Variants in VIL1 observed in about 807,000 individuals in gnomAD.
The protein encoded by VIL1 is villin-1.
A neutral mutation model predicts 104.0 loss-of-function variants in VIL1; 86 were observed. The observed-to-expected ratio is 0.83, with a 90% CI of 0.69 to 0.99. The LOEUF (loss-of-function observed/expected upper bound fraction) is 0.99, where lower values mean the gene tolerates loss of function less well. VIL1 is among the 50% of genes least tolerant of loss of function. The pLI is 0.00. For synonymous variants in VIL1, 394 were observed against 412.6 expected, an observed-to-expected ratio of 0.95 and a Z score of 0.55; for missense variants, 944 against 1,054.1, an observed-to-expected ratio of 0.90 and a Z score of 1.45.
intron 19 of VIL1, among the ~76,000 whole-genome samples, chr2:218,441,381 T>G (rs553961724): frequency 6.7e-6 from 1 of 149,676 alleles, no homozygotes; most frequent in Admixed American, 6.7e-5. Context: ...AGAGTGAGAC[T>G]GTCTCAAAAA....
Position 218,435,334 on chromosome 2 carries a change from A to G in VIL1, c.1726A>G (p.Thr576Ala). ...GGAGATGGCCAAGATGGTTGCTGAC[A>G]CCATCTCCCGGACGGAGAAGCAAGT... is the stretch of plus-strand genomic sequence containing the variant. ...EREMAKMVADTISRTEKQVVV... is the reference protein window; with the variant it reads ...EREMAKMVADAISRTEKQVVV... The change falls in exon 15 of 20, where the codon ACC becomes GCC. Residue 576 changes from threonine to alanine, a missense_variant. Coordinates refer to ENST00000248444, the MANE Select transcript of VIL1 (RefSeq NM_007127.3). The G allele has an allele frequency of 6.2e-7, 1 of 1,614,036 alleles. No homozygotes were observed. Among genetic ancestry groups the G allele is most frequent in the Non-Finnish European group, 8.5e-7 (1 of 1,179,964 alleles).
At chr2:218,435,992 C>A (rs944871905) in intron 15 of VIL1, among the ~76,000 whole-genome samples, 4 of 152,162 alleles carry the variant, frequency 2.6e-5, no homozygotes, top group Non-Finnish European at 5.9e-5. Context: ...GCGCCCACCA[C>A]CGTGCCCGGC....
At chr2:218,439,288 G>A (rs1022523312) in intron 18 of VIL1, among the ~76,000 whole-genome samples, 3 of 151,836 alleles carry the variant, frequency 2.0e-5, no homozygotes, top group African/African-American at 7.3e-5. Flanking sequence ...GGAGTGAGGG[G>A]GAAGCATATT....
In VIL1 at chr2:218,444,727, G is replaced by A. The variant is rs572845478; in HGVS notation, c.2370+3865G>A. ...GAGCCAGTGACAACAGTGGGGTGGT[G>A]GGTCTGGCTGCAGGCAGAGCAAGAT... is the stretch of plus-strand genomic sequence containing the variant. On this transcript the variant is annotated intron_variant, in intron 19 of 19. Coordinates refer to ENST00000248444, the MANE Select transcript of VIL1 (RefSeq NM_007127.3). Among the ~76,000 whole-genome samples, 9 of 152,328 alleles carry A rather than the reference G, an allele frequency of 5.9e-5. No homozygotes were observed. The South Asian group carries it at 1.4e-3, about 25-fold the overall frequency.
chr2:218,430,222 T>G (rs1689071676), intron 9 of VIL1, among the ~76,000 whole-genome samples: 1 of 152,068 alleles, frequency 6.6e-6, no homozygotes, highest in Non-Finnish European at 1.5e-5. Flanking sequence ...CTCACCTCCC[T>G]GCACCTGAGC....
chr2:218,435,164 G>A (rs1223082852), intron 14 of VIL1, 125 bp from the exon 15 acceptor site: 9 of 1,269,204 alleles, frequency 7.1e-6, no homozygotes, highest in Non-Finnish European at 9.9e-6. Flanking sequence ...TCCCTGTGTG[G>A]CCTGTATACA....
Position 218,425,837 on chromosome 2 carries a change from G to C in VIL1, c.347+26G>C. 2.5e-6 allele frequency: 4 copies of C among 1,585,574 alleles called. No homozygotes were observed. In the South Asian group the frequency reaches 4.6e-5, roughly 18 times the overall value. ...GTAGGGAGGGTGGGCTGCAGGCCGG[G>C]GGAATGAGGATGAGTGGTAGGGATA... On this transcript the variant is annotated intron_variant, in intron 4 of 19. Transcript: ENST00000248444.
chr2:218,446,243 T>C (rs968232070), intron 19 of VIL1, among the ~76,000 whole-genome samples: 1 of 152,136 alleles, frequency 6.6e-6, no homozygotes, highest in African/African-American at 2.4e-5. Flanking sequence ...GTCTTTTCTT[T>C]TCTTTTTTTG....
chr2:218,430,981 A>T (rs1247491289), intron 10 of VIL1, 103 bp downstream of exon 10: 2 of 1,449,044 alleles, frequency 1.4e-6, no homozygotes, highest in Non-Finnish European at 1.9e-6. Flanking sequence ...TGCATCTTCA[A>T]CGAAGACTTT....
Position 218,435,423 on chromosome 2 carries a change from C to T in VIL1, c.1815C>T (p.Ala605=), listed in dbSNP as rs149145902. Residue 605 remains alanine (A), a synonymous_variant, in exon 15 of 20, where the codon GCC becomes GCT. Transcript: ENST00000248444. ...WMALGGKAPY[A]NTKRLQEENL... ...CCCTGGGTGGGAAGGCCCCCTATGC[C>T]AACACCAAGAGGTAACTCTCAGGTC... The T allele has an allele frequency of 2.5e-5, 41 of 1,613,898 alleles. No homozygotes were observed. The African/African-American group carries it at 5.5e-4, about 22-fold the overall frequency.
chr2:218,447,732 TTTG>T (rs2106398526), intron 19 of VIL1, among the ~76,000 whole-genome samples: 2 of 151,522 alleles, frequency 1.3e-5, no homozygotes, highest in South Asian at 4.2e-4. Context: ...AACAACATAC[TTTG>T]TTTTGTTTTT....
chr2:218,434,120 C>A lies in VIL1; in HGVS notation c.1501-406C>A, dbSNP rs540305788. Among the ~76,000 whole-genome samples, 471 of 147,124 alleles carry A rather than the reference C, an allele frequency of 3.2e-3. 1 individual carries two copies. The highest frequency in any genetic ancestry group is 0.011 in the African/African-American group (453 of 39,746). Reference sequence around the variant, plus strand: ...GCTGAGGCAGGAGAATTGCTTGAACCCAGGAGGCAGAGGGTGCAGTGAGCT... The same window carrying A: ...GCTGAGGCAGGAGAATTGCTTGAACACAGGAGGCAGAGGGTGCAGTGAGCT... On this transcript the variant is annotated intron_variant, in intron 13 of 19. Transcript: ENST00000248444.
chr2:218,440,257 C>A (rs973785776), intron 18 of VIL1, among the ~76,000 whole-genome samples: 17 of 152,110 alleles, frequency 1.1e-4, no homozygotes, highest in Admixed American at 2.0e-4. Context: ...TCAGAACAGA[C>A]CACTAAGCTC....
At position 218,428,288 on chromosome 2, in the gene VIL1, T is replaced by G; in HGVS notation, c.518T>G (p.Leu173Arg). ...GDVFLLDLGK[L>R]IIQWNGPEST... ...GTTTTCCTCCTGGACCTTGGGAAGC[T>G]TATCATCCAGTGGAATGGACCGGAA... The change falls in exon 6 of 20, where the codon CTT (leucine) becomes CGT (arginine). Residue 173 changes from leucine (L) to arginine (R), a missense_variant. Leu to Arg is a moderately radical substitution (Grantham distance 102). Transcript: ENST00000248444. 1 of 1,614,158 alleles carries G rather than the reference T, an allele frequency of 6.2e-7. No individual in the cohort carries two copies. The highest frequency in any genetic ancestry group is 8.5e-7 in the Non-Finnish European group (1 of 1,180,024).
In VIL1 at chr2:218,430,849, T is replaced by C. The variant is rs1378231361; in HGVS notation, c.1073T>C (p.Leu358Pro). 6.2e-7 allele frequency: 1 copy of C among 1,613,880 alleles called. No individual in the cohort carries two copies. Among genetic ancestry groups the C allele is most frequent in the Non-Finnish European group, 8.5e-7 (1 of 1,179,890 alleles). ...ACAGCGTCCAACCGGACCTCAGGCC[T>C]AGGCAAAACCCACACTGTGGGCTCC... is the stretch of plus-strand genomic sequence containing the variant. Reference protein sequence around the residue: ...KWTASNRTSGLGKTHTVGSVA... With the variant: ...KWTASNRTSGPGKTHTVGSVA... Residue 358 changes from leucine to proline, a missense_variant, in exon 10 of 20, where the codon CTA (leucine) becomes CCA (proline). Transcript: ENST00000248444.
At chr2:218,429,751 C>T (rs2106391997) in intron 8 of VIL1, 76 bp downstream of exon 8, 1 of 1,571,346 alleles carries the variant, frequency 6.4e-7, no homozygotes, top group Non-Finnish European at 8.8e-7. Flanking sequence ...TTCCAGGGGG[C>T]TTGGGGTGGG....
At chr2:218,426,168 C>T (rs569347155) in intron 4 of VIL1, among the ~76,000 whole-genome samples, 1 of 152,174 alleles carries the variant, frequency 6.6e-6, no homozygotes, top group Admixed American at 6.6e-5. Context: ...ATCAAGCCCC[C>T]CAACTCTGGC....
At chr2:218,440,632 G>A (rs1214463112) in intron 18 of VIL1, 90 bp from the exon 19 acceptor site, 6 of 1,531,508 alleles carry the variant, frequency 3.9e-6, no homozygotes, top group African/African-American at 1.4e-5. Flanking sequence ...CTTCTTGAAG[G>A]TGGTGCCCTA....
chr2:218,450,650 T>A lies in VIL1; in HGVS notation c.*1314T>A, dbSNP rs944447903. The A allele has an allele frequency of 1.3e-5, 2 of 152,496 alleles. No homozygotes were observed. Among genetic ancestry groups the A allele is most frequent in the Non-Finnish European group, 2.9e-5 (2 of 68,042 alleles). 9.4% of individuals were successfully genotyped at this position (152,496 alleles called of 1,614,324 possible). On this transcript the variant is annotated 3_prime_UTR_variant, in exon 20 of 20. Coordinates refer to ENST00000248444, the MANE Select transcript of VIL1 (RefSeq NM_007127.3). ...TGTGCACACCCACATGTGGTCTCAC[T>A]CTTCACACAGGCCCACTATTTTTGA...
Sources: allele counts gnomAD v4.1 joint callset (sites outside exome capture counted in the v4.1 genomes callset), GRCh38; gene constraint gnomAD v4.1.1; transcripts MANE v1.5; gene names NCBI Gene and HGNC (gene_info 2026-07-23, HGNC 2026-07-21).